SLC2A13: variants seen among roughly 807,000 people sequenced by gnomAD.
The protein encoded by SLC2A13 is solute carrier family 2 member 13.
Under a neutral mutation model 64.4 loss-of-function variants are expected in SLC2A13, and 32 were observed. The ratio of observed to expected loss-of-function variants is 0.50; its 90% CI spans 0.37 to 0.67. The LOEUF (loss-of-function observed/expected upper bound fraction) is 0.67. Among genes scored for constraint, SLC2A13 ranks in the 30% least tolerant of loss-of-function variants. The pLI is 0.00. For missense variants in SLC2A13, 743 were observed against 829.2 expected, an observed-to-expected ratio of 0.90 and a Z score of 1.28; for synonymous variants, 338 against 327.1, an observed-to-expected ratio of 1.03 and a Z score of -0.36.
intron 1 of SLC2A13, among the ~76,000 whole-genome samples, chr12:40,103,514 C>T (rs910626920): frequency 6.6e-6 from 1 of 152,090 alleles, no homozygotes; most frequent in African/African-American, 2.4e-5. Flanking sequence ...TGGAAGGGGA[C>T]CTTACACAGA....
At chr12:40,094,896 T>C (rs541345648) in intron 1 of SLC2A13, among the ~76,000 whole-genome samples, 49 of 152,304 alleles carry the variant, frequency 3.2e-4, no homozygotes, top group Non-Finnish European at 4.7e-4. Flanking sequence ...GGAGAGGCCT[T>C]AGCCAGTTCA....
In SLC2A13 at chr12:40,069,366, T is replaced by C. The variant is rs1937866262; in HGVS notation, c.557-21156A>G. On this transcript the variant is annotated intron_variant, in intron 1 of 9. Coordinates refer to ENST00000280871, the MANE Select transcript of SLC2A13 (RefSeq NM_052885.4). ...TCCAAACAATCCTTTTAGTGGTATT[T>C]AGTAACAAATTTATCTCTCTTTTGC... is the stretch of plus-strand genomic sequence containing the variant. 6.6e-5 allele frequency among the ~76,000 whole-genome samples: 10 copies of C among 152,248 alleles called. No individual in the cohort carries two copies. The South Asian group carries it at 2.1e-3, about 32-fold the overall frequency.
intron 3 of SLC2A13, among the ~76,000 whole-genome samples, chr12:39,984,309 C>T (rs1946985779): frequency 6.6e-6 from 1 of 150,918 alleles, no homozygotes; most frequent in East Asian, 1.9e-4. Context: ...TGCACATGTA[C>T]CCTAAAACTT....
chr12:39,911,437 T>G (rs1344918873), intron 4 of SLC2A13, among the ~76,000 whole-genome samples: 1 of 152,074 alleles, frequency 6.6e-6, no homozygotes, highest in Non-Finnish European at 1.5e-5. Flanking sequence ...TACTGTAATC[T>G]CATCCTGTTG....
chr12:39,916,179 T>C (rs1945518843), intron 4 of SLC2A13, among the ~76,000 whole-genome samples: 2 of 151,796 alleles, frequency 1.3e-5, no homozygotes, highest in African/African-American at 4.8e-5. Flanking sequence ...ATGTTTAAAT[T>C]ACAGTATGGT....
chr12:39,993,457 C>T (rs76731173), intron 3 of SLC2A13, among the ~76,000 whole-genome samples: 106 of 152,318 alleles, frequency 7.0e-4, no homozygotes, highest in African/African-American at 2.5e-3. Context: ...GATGGCTTTA[C>T]TCCTGCATCT....
chr12:39,770,549 G>A (rs1397983464), intron 7 of SLC2A13, among the ~76,000 whole-genome samples: 1 of 152,248 alleles, frequency 6.6e-6, no homozygotes, highest in Non-Finnish European at 1.5e-5. Flanking sequence ...GCACTGGCAT[G>A]GTCCTGTTTC....
At chr12:39,880,306 G>GA (rs1944307088) in intron 4 of SLC2A13, among the ~76,000 whole-genome samples, 1 of 152,088 alleles carries the variant, frequency 6.6e-6, no homozygotes, top group African/African-American at 2.4e-5. Context: ...AGCTTTAATA[G>GA]AAAAATGTTT....
chr12:39,945,500 T>TG (rs1946117817), intron 4 of SLC2A13, among the ~76,000 whole-genome samples: 2 of 152,138 alleles, frequency 1.3e-5, no homozygotes, highest in South Asian at 4.1e-4. Context: ...TTCTTAGGTT[T>TG]GGTCATTTAA....
intron 9 of SLC2A13, 26 bp downstream of exon 9, chr12:39,764,434 C>T (rs572273229): frequency 6.6e-7 from 1 of 1,521,770 alleles, no homozygotes; most frequent in Admixed American, 2.3e-5. Context: ...AAAAACAAAA[C>T]TATGTTAGAA....
At chr12:40,064,338 T>G (rs10878050) in intron 1 of SLC2A13, among the ~76,000 whole-genome samples, 19,078 of 152,164 alleles carry the variant, frequency 0.13, 1,526 homozygotes, top group Non-Finnish European at 0.18. Context: ...CTTAATCCAT[T>G]TGTCACAAGA....
intron 3 of SLC2A13, among the ~76,000 whole-genome samples, chr12:39,988,372 TTAAC>T (rs1286692982): frequency 6.6e-6 from 1 of 151,950 alleles, no homozygotes; most frequent in Non-Finnish European, 1.5e-5. Flanking sequence ...TTATATTACT[TTAAC>T]TGGTGGAAAA....
intron 7 of SLC2A13, among the ~76,000 whole-genome samples, chr12:39,767,655 T>C (rs1415284057): frequency 1.3e-5 from 2 of 152,070 alleles, no homozygotes; most frequent in East Asian, 1.9e-4. Flanking sequence ...CCACCTGATA[T>C]GGTTTAGCTG....
intron 6 of SLC2A13, among the ~76,000 whole-genome samples, chr12:39,841,262 T>C (rs980931590): frequency 1.3e-5 from 2 of 152,166 alleles, no homozygotes; most frequent in African/African-American, 4.8e-5. Flanking sequence ...GAATGGTTTT[T>C]CTTTGCTTTT....
intron 3 of SLC2A13, among the ~76,000 whole-genome samples, chr12:39,997,409 C>G (rs377577208): frequency 1.3e-5 from 2 of 152,092 alleles, no homozygotes; most frequent in East Asian, 3.9e-4. Flanking sequence ...GGACTTAAAC[C>G]TAAGACAATT....
intron 5 of SLC2A13, among the ~76,000 whole-genome samples, chr12:39,865,414 T>C (rs757931030): frequency 5.3e-5 from 8 of 152,228 alleles, no homozygotes; most frequent in Admixed American, 1.3e-4. Flanking sequence ...GTAGCATTTT[T>C]TGAAGACTTT....
At chr12:39,827,431 G>A (rs923827505) in intron 7 of SLC2A13, among the ~76,000 whole-genome samples, 1 of 152,116 alleles carries the variant, frequency 6.6e-6, no homozygotes, top group African/African-American at 2.4e-5. Flanking sequence ...ACAGAGGCAA[G>A]GCCTGGAGCT....
chr12:39,999,552 AC>A (rs1198443492), intron 3 of SLC2A13, among the ~76,000 whole-genome samples: 1 of 152,122 alleles, frequency 6.6e-6, no homozygotes, highest in East Asian at 1.9e-4. Flanking sequence ...TGGGAAAAAA[AC>A]CTGCCCTGGT....
chr12:39,772,393 GAAT>G (rs1940615157), intron 7 of SLC2A13, among the ~76,000 whole-genome samples: 1 of 152,060 alleles, frequency 6.6e-6, no homozygotes, highest in Non-Finnish European at 1.5e-5. Context: ...CTTGCCAAAA[GAAT>G]AATCACCGTG....
Sources: gnomAD v4.1 joint callset for allele counts (sites outside exome capture counted in the v4.1 genomes callset) on GRCh38, gnomAD v4.1.1 for gene constraint, MANE v1.5 for transcripts, NCBI Gene and HGNC (gene_info 2026-07-23, HGNC 2026-07-21) for gene names.